Variants in PCDHGA11 observed in about 807,000 individuals in gnomAD.
The protein encoded by PCDHGA11 is protocadherin gamma subfamily A, 11.
A neutral mutation model predicts 60.4 loss-of-function variants in PCDHGA11; 39 were observed. The ratio of observed to expected loss-of-function variants is 0.65; its 90% CI spans 0.50 to 0.84. The LOEUF (loss-of-function observed/expected upper bound fraction) is 0.84. Ranked by LOEUF, PCDHGA11 falls within the 40% of genes least tolerant of loss-of-function variation. The pLI, the probability that PCDHGA11 is intolerant of heterozygous loss-of-function variation, is 0.00. For missense variants in PCDHGA11, 1,165 were observed against 1,197.7 expected, an observed-to-expected ratio of 0.97 and a Z score of 0.40; for synonymous variants, 533 against 510.3, an observed-to-expected ratio of 1.04 and a Z score of -0.60.
At chr5:141,460,993 A>T (rs1230217075) in intron 1 of PCDHGA11, among the ~76,000 whole-genome samples, 1 of 143,898 alleles carries the variant, frequency 6.9e-6, no homozygotes, top group South Asian at 2.2e-4. Flanking sequence ...GTATATATAT[A>T]TATGTGTATA....
rs368252552 is a variant in PCDHGA11, at chr5:141,422,542, G to T, written c.1315G>T (p.Val439Phe). The T allele has an allele frequency of 1.2e-5, 19 of 1,613,878 alleles. No homozygotes were observed. The highest frequency in any genetic ancestry group is 1.7e-5 in the Admixed American group (1 of 59,992). Reference sequence around the variant, plus strand: ...CCCGCCTTTGTCTGCAGAAACTCATGTCTGGCTGAATGTGGCAGATGACAA... The same window carrying T: ...CCCGCCTTTGTCTGCAGAAACTCATTTCTGGCTGAATGTGGCAGATGACAA... Reference protein sequence around the residue: ...GSPPLSAETHVWLNVADDNDN... With the variant: ...GSPPLSAETHFWLNVADDNDN... Residue 439 changes from valine to phenylalanine, a missense_variant, in exon 1 of 4, where the codon GTC becomes TTC. Val to Phe is a conservative substitution (Grantham distance 50, BLOSUM62 -1). Transcript: ENST00000398587.
At chr5:141,465,184 A>G (rs866520508) in intron 1 of PCDHGA11, among the ~76,000 whole-genome samples, 2 of 152,130 alleles carry the variant, frequency 1.3e-5, no homozygotes, top group Admixed American at 6.5e-5. Flanking sequence ...ATTTAATTAA[A>G]AGATAAAAAT....
chr5:141,477,553 A>T lies in PCDHGA11; in HGVS notation c.2434-17254A>T, dbSNP rs1478806410. 6.2e-7 allele frequency: 1 copy of T among 1,614,090 alleles called. No homozygotes were observed. Among genetic ancestry groups the T allele is most frequent in the Admixed American group, 1.7e-5 (1 of 60,028 alleles). On this transcript the variant is annotated intron_variant, in intron 1 of 3. Coordinates refer to ENST00000398587, the MANE Select transcript of PCDHGA11 (RefSeq NM_018914.3). The surrounding 1 kb of genome is among the most constrained non-coding windows in gnomAD (Gnocchi z 4.9). ...TCCCCGGGGCTCCAATACTAAACCT[A>T]AGTGTCTGGGACCCCGACGCCCCGC...
chr5:141,493,440 G>A lies in PCDHGA11; in HGVS notation c.2434-1367G>A, dbSNP rs2099748297. The stretch of plus-strand genomic sequence containing the variant: ...TTTTGCTTCTGCTGGGATGGGGCAA[G>A]GGTGGGGTTCCTTCCCTTTTAGGAC... On this transcript the variant is annotated intron_variant, in intron 1 of 3. Coordinates refer to ENST00000398587, the MANE Select transcript of PCDHGA11 (RefSeq NM_018914.3). The surrounding 1 kb of genome is among the most constrained non-coding windows in gnomAD (Gnocchi z 4.3). Among the ~76,000 whole-genome samples, 1 of 152,208 alleles carries A rather than the reference G, an allele frequency of 6.6e-6. No homozygotes were observed. Among genetic ancestry groups the A allele is most frequent in the African/African-American group, 2.4e-5 (1 of 41,450 alleles).
chr5:141,485,993 A>C lies in PCDHGA11; in HGVS notation c.2434-8814A>C. 6.2e-7 allele frequency: 1 copy of C among 1,614,210 alleles called. No homozygotes were observed. Among genetic ancestry groups the C allele is most frequent in the Non-Finnish European group, 8.5e-7 (1 of 1,180,028 alleles). On this transcript the variant is annotated intron_variant, in intron 1 of 3. Coordinates refer to ENST00000398587, the MANE Select transcript of PCDHGA11 (RefSeq NM_018914.3). The surrounding 1 kb of genome is among the most constrained non-coding windows in gnomAD (Gnocchi z 5.7). ...TGCCTCAGACCCGGACCTGGGTCCC[A>C]GTGGTAACGTCACCTTTTATTTCAG...
chr5:141,494,909 T>G (rs764123148), intron 2 of PCDHGA11, 44 bp downstream of exon 2: 1 of 1,614,042 alleles, frequency 6.2e-7, no homozygotes, highest in Admixed American at 1.7e-5. Flanking sequence ...CTGCGGCATT[T>G]TCTCAGGGAT....
At chr5:141,443,312 C>T (rs1296976995) in intron 1 of PCDHGA11, among the ~76,000 whole-genome samples, 2 of 115,698 alleles carry the variant, frequency 1.7e-5, no homozygotes, top group Non-Finnish European at 3.3e-5. Flanking sequence ...AAAAACCCAT[C>T]TCTACAAAAA....
At position 141,489,503 on chromosome 5, in the gene PCDHGA11, A is replaced by T; in HGVS notation, c.2434-5304A>T. 1 of 1,614,092 alleles carries T rather than the reference A, an allele frequency of 6.2e-7. No homozygotes were observed. ...ATGAGTGGTGCCCTGGCAGTGAATC[A>T]AAAGATTGACCGAGAAAGCCTATGT... is the stretch of plus-strand genomic sequence containing the variant. On this transcript the variant is annotated intron_variant, in intron 1 of 3. Transcript: ENST00000398587. The surrounding 1 kb of genome is among the most constrained non-coding windows in gnomAD (Gnocchi z 4.5).
chr5:141,498,306 A>C (rs2099783027), intron 2 of PCDHGA11, among the ~76,000 whole-genome samples: 1 of 151,810 alleles, frequency 6.6e-6, no homozygotes, highest in African/African-American at 2.4e-5. Flanking sequence ...TCTGGGTCAC[A>C]CTGCCTACAC....
chr5:141,437,247 C>T (rs2097870457), intron 1 of PCDHGA11, among the ~76,000 whole-genome samples: 2 of 152,090 alleles, frequency 1.3e-5, no homozygotes, highest in Non-Finnish European at 2.9e-5. Context: ...AAGGACTTTC[C>T]TTGTCTTTTT....
chr5:141,440,818 C>T (rs906112291), intron 1 of PCDHGA11: 2 of 152,124 alleles, frequency 1.3e-5, no homozygotes, highest in Non-Finnish European at 2.9e-5. Flanking sequence ...TCACTCAACT[C>T]CTGATCCTAT....
intron 1 of PCDHGA11, among the ~76,000 whole-genome samples, chr5:141,464,964 A>G (rs1433148254): frequency 6.6e-6 from 1 of 152,030 alleles, no homozygotes; most frequent in Non-Finnish European, 1.5e-5. Flanking sequence ...CTTGTCTTGA[A>G]CTACTGGCTT....
At chr5:141,495,123 T>C (rs2099759225) in intron 2 of PCDHGA11, among the ~76,000 whole-genome samples, 1 of 152,162 alleles carries the variant, frequency 6.6e-6, no homozygotes, top group African/African-American at 2.4e-5. Flanking sequence ...TCCTATCCCC[T>C]GAGGGCACTG....
intron 1 of PCDHGA11, chr5:141,427,862 C>T (rs748112227): frequency 2.6e-6 from 4 of 1,556,778 alleles, no homozygotes; most frequent in East Asian, 4.5e-5. Context: ...TGTGCGCCTT[C>T]GAGCTCACGA....
At chr5:141,444,531 CTG>C (rs2098439915) in intron 1 of PCDHGA11, among the ~76,000 whole-genome samples, 1 of 152,100 alleles carries the variant, frequency 6.6e-6, no homozygotes, top group Non-Finnish European at 1.5e-5. Context: ...GAGACAGTGA[CTG>C]TGTCTAGTGA....
intron 1 of PCDHGA11, chr5:141,478,158 C>G: frequency 6.2e-7 from 1 of 1,614,054 alleles, no homozygotes; most frequent in Non-Finnish European, 8.5e-7. Flanking sequence ...CCCTCTGGCT[C>G]TGCCCCCCGG....
chr5:141,478,118 G>A (rs1266841885), intron 1 of PCDHGA11: 1 of 1,613,930 alleles, frequency 6.2e-7, no homozygotes, highest in East Asian at 2.2e-5. Context: ...GTCAGTAACC[G>A]AGGACTCTCC....
At chr5:141,452,046 T>C (rs767493861) in intron 1 of PCDHGA11, among the ~76,000 whole-genome samples, 1 of 152,242 alleles carries the variant, frequency 6.6e-6, no homozygotes, top group Non-Finnish European at 1.5e-5. Context: ...TAACTCCATT[T>C]GTAATAACTT....
At chr5:141,463,460 T>TTC (rs573961569) in intron 1 of PCDHGA11, among the ~76,000 whole-genome samples, 28 of 136,126 alleles carry the variant, frequency 2.1e-4, no homozygotes, top group Admixed American at 4.4e-4. Context: ...TTTTTTTTTT[T>TTC]TTTTTTGAGA....
Sources: gnomAD v4.1 joint callset for allele counts (sites outside exome capture counted in the v4.1 genomes callset) on GRCh38, gnomAD v4.1.1 for gene constraint, Gnocchi (gnomAD v3.1) non-coding constraint, MANE v1.5 for transcripts, NCBI Gene and HGNC (gene_info 2026-07-23, HGNC 2026-07-21) for gene names.